The following PPEF1 variants were observed in gnomAD, a reference collection of about 807,000 sequenced individuals.
The protein encoded by PPEF1 is serine/threonine-protein phosphatase with EF-hands 1.
A neutral mutation model predicts 53.3 loss-of-function variants in PPEF1; 12 were observed. The observed-to-expected ratio is 0.23, with a 90% confidence interval of 0.14 to 0.36. PPEF1 has a LOEUF of 0.36. Among genes scored for constraint, PPEF1 ranks in the 10% least tolerant of loss-of-function variants. The pLI, the probability that PPEF1 is intolerant of heterozygous loss-of-function variation, is 1.00. For missense variants in PPEF1, 334 were observed against 490.4 expected (o/e 0.68, Z 3.01); for synonymous variants, 165 against 176.7 (o/e 0.93, Z 0.52).
At chrX:18,703,422 T>TA (rs1480418927), upstream of PPEF1, among the ~76,000 whole-genome samples, 1 of 112,465 alleles carries the variant, frequency 8.9e-6, no homozygotes, top group African/African-American at 3.2e-5. Context: ...GTATAAGTAC[T>TA]ACCCCTTTCT....
intron 4 of PPEF1, among the ~76,000 whole-genome samples, chrX:18,756,320 C>T (rs1216696853): frequency 9.1e-6 from 1 of 109,830 alleles, no homozygotes; most frequent in Non-Finnish European, 1.9e-5. Flanking sequence ...GCTGGGACTA[C>T]AGGCGCGCCC....
chrX:18,732,209 G>A (rs370045380), intron 2 of PPEF1, among the ~76,000 whole-genome samples: 1 of 112,751 alleles, frequency 8.9e-6, no homozygotes, highest in African/African-American at 3.2e-5. Context: ...TACTCATTCC[G>A]AAGAATATTC....
chrX:18,734,517 C>T (rs1362118236), intron 3 of PPEF1, among the ~76,000 whole-genome samples: 2 of 110,478 alleles, frequency 1.8e-5, no homozygotes, highest in Admixed American at 9.7e-5. Context: ...TTTTCTTAAT[C>T]CAGTCTATCA....
At chrX:18,744,138 G>A (rs34598389) in intron 3 of PPEF1, among the ~76,000 whole-genome samples, 5,028 of 109,353 alleles carry the variant, frequency 0.046, 177 homozygotes, top group South Asian at 0.15. Context: ...TGATCCACCC[G>A]CCTCGGCCTC....
chrX:18,738,885 A>G (rs1370599384), intron 3 of PPEF1, among the ~76,000 whole-genome samples: 1 of 111,728 alleles, frequency 9.0e-6, no homozygotes, highest in Admixed American at 9.6e-5. Flanking sequence ...TTGATCTTCA[A>G]TCACTGATAC....
chrX:18,728,117 C>G (rs184591542), intron 1 of PPEF1, among the ~76,000 whole-genome samples: 1 of 110,772 alleles, frequency 9.0e-6, no homozygotes, highest in African/African-American at 3.3e-5. Flanking sequence ...ACATACCCGA[C>G]ATCACAACAA....
chrX:18,815,861 G>A (rs919874281), intron 12 of PPEF1, among the ~76,000 whole-genome samples: 2 of 107,041 alleles, frequency 1.9e-5, no homozygotes, highest in African/African-American at 6.7e-5. Flanking sequence ...CTTATGTTGG[G>A]TTCAGTTTAC....
At chrX:18,790,768 C>T (rs745338327) in intron 10 of PPEF1, among the ~76,000 whole-genome samples, 3 of 109,464 alleles carry the variant, frequency 2.7e-5, no homozygotes, top group East Asian at 2.8e-4. Context: ...GACACGATCT[C>T]GGCTCACTGC....
At chrX:18,768,978 G>T (rs1044807640) in intron 6 of PPEF1, among the ~76,000 whole-genome samples, 1 of 112,324 alleles carries the variant, frequency 8.9e-6, no homozygotes, top group East Asian at 2.8e-4. Flanking sequence ...AGTTTTGGAG[G>T]ATCATGAAAG....
chrX:18,821,188 A>T lies in PPEF1; in HGVS notation c.1502-2735A>T, dbSNP rs757970663. Among the ~76,000 whole-genome samples the T allele has an allele frequency of 8.9e-5, 9 of 101,456 alleles. No homozygotes were observed. In the South Asian group the frequency reaches 1.5e-3, roughly 17 times the overall value. 88.1% of individuals were successfully genotyped at this position (101,456 alleles called of 115,157 possible). A position where few individuals can be genotyped will look rare whatever the true frequency, so the allele number is the denominator to read the frequency against. On this transcript the variant is annotated intron_variant, in intron 13 of 15. Transcript: ENST00000470157. ...CAGTGAGCCGAGATTGCGCCACTGCACTCCAGACTGGGAGAGAGAGCGAGA... is the reference window on the plus strand; with the variant it reads ...CAGTGAGCCGAGATTGCGCCACTGCTCTCCAGACTGGGAGAGAGAGCGAGA...
chrX:18,818,049 A>G lies in PPEF1; in HGVS notation c.1405A>G (p.Met469Val). Residue 469 changes from methionine (M) to valine (V), a missense_variant, in exon 13 of 16, where the codon ATG becomes GTG. Coordinates refer to ENST00000470157, the MANE Select transcript of PPEF1 (RefSeq NM_001377996.1). ...FQPLRQRVDT[M>V]ENSAIKILRE... ...TTGTTTTCTTTGCAGAGTGGATACT[A>G]TGGAAAACAGCGCCATCAAGATATT... 8.4e-7 allele frequency: 1 copy of G among 1,197,212 alleles called. No homozygotes were observed. Among genetic ancestry groups the G allele is most frequent in the Non-Finnish European group, 1.1e-6 (1 of 885,418 alleles).
intron 6 of PPEF1, among the ~76,000 whole-genome samples, chrX:18,773,102 A>G (rs1259137045): frequency 8.9e-6 from 1 of 112,639 alleles, no homozygotes; most frequent in Non-Finnish European, 1.9e-5. Context: ...GAGGCAAATT[A>G]GGCTTCACCT....
upstream of PPEF1, among the ~76,000 whole-genome samples, chrX:18,681,926 C>T (rs772626069): frequency 6.2e-5 from 7 of 112,136 alleles, no homozygotes; most frequent in African/African-American, 6.5e-5. Context: ...GCACTGTCCG[C>T]GGAACTGGAG....
chrX:18,770,170 C>T (rs923935411), intron 6 of PPEF1, among the ~76,000 whole-genome samples: 4 of 111,325 alleles, frequency 3.6e-5, no homozygotes, highest in Non-Finnish European at 5.7e-5. Flanking sequence ...GGTTTTGCTT[C>T]TTTGAAGGAA....
intron 12 of PPEF1, among the ~76,000 whole-genome samples, 155 bp from the exon 13 acceptor site, chrX:18,817,878 CATACAT>C (rs1326353584): frequency 9.9e-5 from 11 of 110,726 alleles, no homozygotes; most frequent in African/African-American, 3.6e-4. Context: ...CACACATACA[CATACAT>C]ATACATATGC....
Position 18,728,706 on chromosome X carries a change from G to A in PPEF1, c.47-1475G>A, listed in dbSNP as rs147037547. On this transcript the variant is annotated intron_variant, in intron 1 of 15. Coordinates refer to ENST00000470157, the MANE Select transcript of PPEF1 (RefSeq NM_001377996.1). The stretch of plus-strand genomic sequence containing the variant: ...AACCTGAATAATGGAAAGAGTCCCT[G>A]GAACCCAAGAGCCTTGGGGAAGCTA... Among the ~76,000 whole-genome samples, 905 of 111,504 alleles carry A rather than the reference G, an allele frequency of 8.1e-3. 9 individuals carry two copies. Among genetic ancestry groups the A allele is most frequent in the African/African-American group, 0.028 (856 of 30,664 alleles).
intron 1 of PPEF1, among the ~76,000 whole-genome samples, chrX:18,718,558 C>G (rs1270683366): frequency 9.0e-6 from 1 of 111,443 alleles, no homozygotes; most frequent in African/African-American, 3.3e-5. Context: ...CCACTGCACT[C>G]CAGCCCGGGC....
intron 2 of PPEF1, among the ~76,000 whole-genome samples, chrX:18,685,456 A>T (rs1369896484): frequency 3.6e-5 from 4 of 111,014 alleles, no homozygotes; most frequent in African/African-American, 1.3e-4. Context: ...GAGGCCGAGG[A>T]GGGTGGATCA....
intron 6 of PPEF1, among the ~76,000 whole-genome samples, chrX:18,774,243 C>G (rs1248418765): frequency 9.0e-6 from 1 of 111,382 alleles, no homozygotes; most frequent in Admixed American, 9.6e-5. Flanking sequence ...GCATGCGCCA[C>G]CACACCTGGC....
Sources: allele counts gnomAD v4.1 joint callset (sites outside exome capture counted in the v4.1 genomes callset), GRCh38; gene constraint gnomAD v4.1.1; transcripts MANE v1.5; gene names NCBI Gene and HGNC (gene_info 2026-07-23, HGNC 2026-07-21).